Variants in TNR observed in about 807,000 individuals in gnomAD.
TNR encodes tenascin R.
TNR carries 45 observed loss-of-function variants against 150.4 expected under a neutral mutation model. The ratio of observed to expected loss-of-function variants is 0.30; its 90% confidence interval spans 0.24 to 0.38. The LOEUF is 0.38. Among genes scored for constraint, TNR ranks in the 10% least tolerant of loss-of-function variants. TNR has a pLI of 1.00. For synonymous variants in TNR, 687 were observed against 678.4 expected (o/e 1.01, Z -0.20); for missense variants, 1,544 against 1,759.1 (o/e 0.88, Z 2.19).
At chr1:175,400,756 A>G (rs1653670478) in intron 4 of TNR, among the ~76,000 whole-genome samples, 1 of 152,130 alleles carries the variant, frequency 6.6e-6, no homozygotes, top group South Asian at 2.1e-4. Flanking sequence ...TCCCATGGGC[A>G]ATGGGAACAT....
At chr1:175,469,596 G>C (rs937961926) in intron 2 of TNR, among the ~76,000 whole-genome samples, 2 of 151,946 alleles carry the variant, frequency 1.3e-5, no homozygotes, top group African/African-American at 4.8e-5. Flanking sequence ...TATAGGGAGG[G>C]TTTTGTGGCC....
At chr1:175,346,690 A>G (rs930734609) in intron 18 of TNR, among the ~76,000 whole-genome samples, 1 of 152,116 alleles carries the variant, frequency 6.6e-6, no homozygotes, top group Non-Finnish European at 1.5e-5. Flanking sequence ...TATATTTCCA[A>G]AAATTTATAA....
intron 1 of TNR, among the ~76,000 whole-genome samples, chr1:175,600,355 G>A (rs1284944376): frequency 6.6e-6 from 1 of 152,206 alleles, no homozygotes; most frequent in Non-Finnish European, 1.5e-5. Flanking sequence ...AAATAAGAGG[G>A]TTGGAAGAAG....
chr1:175,537,436 T>C (rs1660335833), intron 1 of TNR, among the ~76,000 whole-genome samples: 1 of 152,162 alleles, frequency 6.6e-6, no homozygotes, highest in Non-Finnish European at 1.5e-5. Flanking sequence ...AGTTGTGACC[T>C]TCAGGAGCAG....
At position 175,363,713 on chromosome 1, in the gene TNR, G is replaced by A. The variant is rs747060735; in HGVS notation, c.2702C>T (p.Thr901Ile). 1.5e-5 allele frequency: 25 copies of A among 1,612,994 alleles called. No homozygotes were observed. Among genetic ancestry groups the A allele is most frequent in the Non-Finnish European group, 1.9e-5 (23 of 1,179,598 alleles). ...AAATCAAATCACTTTGTTACCTTGGGTGGGTCGATATGATACTCGGTAGTA... is the reference window on the plus strand; with the variant it reads ...AAATCAAATCACTTTGTTACCTTGGATGGGTCGATATGATACTCGGTAGTA... ...FDYYRVSYRP[T>I]QVGRLDSSVV... Residue 901 changes from threonine to isoleucine, a missense_variant, in exon 13 of 23, where the codon ACC becomes ATC. Physicochemically the swap from Thr to Ile is moderately conservative, Grantham distance 89 (BLOSUM62 -1). Around this residue, in one of 2 missense-constraint regions of TNR, gnomAD observed 1,254 missense variants for 1,329.4 expected, o/e 0.94. Coordinates refer to ENST00000367674, the MANE Select transcript of TNR (RefSeq NM_003285.3).
chr1:175,331,062 T>TTTCTTTCCTTCC (rs1557867836), intron 20 of TNR, among the ~76,000 whole-genome samples: 37 of 124,000 alleles, frequency 3.0e-4, no homozygotes, highest in African/African-American at 1.1e-3. Context: ...TCTTTCTTTC[T>TTTCTTTCCTTCC]TTCTTTCTTT....
intron 1 of TNR, among the ~76,000 whole-genome samples, chr1:175,549,289 T>G (rs2102197922): frequency 6.6e-6 from 1 of 152,346 alleles, no homozygotes; most frequent in East Asian, 1.9e-4. Context: ...CAGAGTCAAG[T>G]TTGTTGTAAT....
chr1:175,436,867 C>T (rs988987236), intron 2 of TNR, among the ~76,000 whole-genome samples: 1 of 152,146 alleles, frequency 6.6e-6, no homozygotes. Context: ...ACAGGAGTAC[C>T]CAGATACATA....
chr1:175,470,791 T>G (rs1399700290), intron 2 of TNR, among the ~76,000 whole-genome samples: 1 of 152,208 alleles, frequency 6.6e-6, no homozygotes, highest in African/African-American at 2.4e-5. Flanking sequence ...TGCCTTGTGA[T>G]TGTTTATTCA....
At chr1:175,570,551 G>A (rs544036056) in intron 1 of TNR, among the ~76,000 whole-genome samples, 16 of 152,162 alleles carry the variant, frequency 1.1e-4, no homozygotes, top group Non-Finnish European at 2.2e-4. Flanking sequence ...GATATGTAAA[G>A]ATTCCCCACA....
intron 1 of TNR, among the ~76,000 whole-genome samples, chr1:175,711,621 G>A (rs753458300): frequency 6.6e-6 from 1 of 152,190 alleles, no homozygotes; most frequent in African/African-American, 2.4e-5. Context: ...CTGGGGAGAA[G>A]GCTAGTGCAG....
chr1:175,687,470 C>CTATA (rs1470696240), intron 1 of TNR, among the ~76,000 whole-genome samples: 1 of 152,122 alleles, frequency 6.6e-6, no homozygotes, highest in Non-Finnish European at 1.5e-5. Context: ...AGGAAGCATG[C>CTATA]TATAATAGGA....
chr1:175,434,772 T>C (rs191805573), intron 2 of TNR, among the ~76,000 whole-genome samples: 2 of 152,300 alleles, frequency 1.3e-5, no homozygotes, highest in Non-Finnish European at 2.9e-5. Context: ...AGTTTCTGAA[T>C]TCTCTGAATT....
Position 175,684,416 on chromosome 1 carries a change from A to C in TNR, c.-165+58810T>G, listed in dbSNP as rs185174369. On this transcript the variant is annotated intron_variant, in intron 1 of 22. Coordinates refer to ENST00000367674, the MANE Select transcript of TNR (RefSeq NM_003285.3). Reference sequence around the variant, plus strand: ...TATCCTATAATTTTCACATGATTTCAATATTCAAAGGGCATCAATTAGGAC... The same window carrying C: ...TATCCTATAATTTTCACATGATTTCCATATTCAAAGGGCATCAATTAGGAC... Among the ~76,000 whole-genome samples the C allele has an allele frequency of 1.1e-3, 175 of 152,302 alleles. 1 individual carries two copies. The highest frequency in any genetic ancestry group is 4.0e-3 in the African/African-American group (168 of 41,566).
At position 175,316,902 on chromosome 1, in the gene TNR, T is replaced by C. The variant is rs1648862053; in HGVS notation, c.*6455A>G. 6.6e-6 allele frequency: 1 copy of C among 152,178 alleles called. No homozygotes were observed. Among genetic ancestry groups the C allele is most frequent in the South Asian group, 2.1e-4 (1 of 4,822 alleles). 9.4% of individuals were successfully genotyped at this position (152,178 alleles called of 1,614,324 possible). On this transcript the variant is annotated 3_prime_UTR_variant, in exon 23 of 23. Coordinates refer to ENST00000367674, the MANE Select transcript of TNR (RefSeq NM_003285.3). ...TTCTTAAAAGTCAGAAGAAGTGGCATCAAAGCCCCCTTGTAAGAATATTAG... is the reference window on the plus strand; with the variant it reads ...TTCTTAAAAGTCAGAAGAAGTGGCACCAAAGCCCCCTTGTAAGAATATTAG...
chr1:175,487,449 T>G (rs906180526), intron 2 of TNR, among the ~76,000 whole-genome samples: 1 of 152,178 alleles, frequency 6.6e-6, no homozygotes, highest in African/African-American at 2.4e-5. Flanking sequence ...CGACATCCTT[T>G]GATTTTGGAC....
intron 1 of TNR, among the ~76,000 whole-genome samples, chr1:175,535,141 C>A (rs1660220018): frequency 6.6e-6 from 1 of 152,100 alleles, no homozygotes; most frequent in African/African-American, 2.4e-5. Context: ...GGGCAGAAGC[C>A]CTTTTCCAGA....
intron 8 of TNR, among the ~76,000 whole-genome samples, chr1:175,380,233 T>C (rs1396449822): frequency 1.3e-5 from 2 of 152,138 alleles, no homozygotes; most frequent in East Asian, 3.9e-4. Context: ...ATATGGAGGA[T>C]GTGATGTAGC....
Position 175,621,087 on chromosome 1 carries a change from G to T in TNR, c.-164-92718C>A, listed in dbSNP as rs74127368. Among the ~76,000 whole-genome samples, 388 of 152,214 alleles carry T rather than the reference G, an allele frequency of 2.5e-3. 3 individuals carry two copies. The highest frequency in any genetic ancestry group is 9.0e-3 in the African/African-American group (375 of 41,524). ...CTTGATTCAGGACGGCATTGCCATC[G>T]TCCTTGACTGTTAACTGCAGGAGGG... is the stretch of plus-strand genomic sequence containing the variant. On this transcript the variant is annotated intron_variant, in intron 1 of 22. Coordinates refer to ENST00000367674, the MANE Select transcript of TNR (RefSeq NM_003285.3).
Sources: allele counts gnomAD v4.1 joint callset (sites outside exome capture counted in the v4.1 genomes callset), GRCh38; gene constraint gnomAD v4.1.1; regional missense constraint gnomAD v4.1.1; transcripts MANE v1.5; gene names NCBI Gene and HGNC (gene_info 2026-07-23, HGNC 2026-07-21).